Variants in SDK1 observed in about 807,000 individuals in gnomAD.
SDK1 encodes sidekick cell adhesion molecule 1.
In SDK1, 157 loss-of-function variants were observed where a neutral mutation model predicts 245.5. The ratio of observed to expected loss-of-function variants is 0.64; its 90% CI spans 0.56 to 0.73. SDK1 has a LOEUF of 0.73. Among genes scored for constraint, SDK1 ranks in the 30% least tolerant of loss-of-function variants. The pLI is 0.00. For synonymous variants in SDK1, 1,647 were observed against 1,278.5 expected (o/e 1.29, Z -6.15); for missense variants, 3,583 against 3,002.3 (o/e 1.19, Z -4.52).
At chr7:3,478,217 G>C (rs1209523529) in intron 1 of SDK1, among the ~76,000 whole-genome samples, 4 of 151,910 alleles carry the variant, frequency 2.6e-5, no homozygotes, top group Non-Finnish European at 4.4e-5. Flanking sequence ...TATTCTTTGG[G>C]ATTAATTTGG....
At chr7:3,532,036 G>A (rs1783364114) in intron 1 of SDK1, among the ~76,000 whole-genome samples, 2 of 152,132 alleles carry the variant, frequency 1.3e-5, no homozygotes, top group South Asian at 4.1e-4. Context: ...AAACTTCAAG[G>A]ACTGAAATCC....
At chr7:3,511,218 C>T (rs756914502) in intron 1 of SDK1, among the ~76,000 whole-genome samples, 1 of 152,176 alleles carries the variant, frequency 6.6e-6, no homozygotes, top group Admixed American at 6.5e-5. Context: ...TCATATTTTC[C>T]TTCTTGGGTA....
chr7:3,580,996 C>CAAAAAAAAA lies in SDK1; in HGVS notation c.299-38080_299-38079insAAAAAAAAA, dbSNP rs1418335916. 3.6e-3 allele frequency among the ~76,000 whole-genome samples: 339 copies of CAAAAAAAAA among 92,904 alleles called. 59 individuals carry two copies. The highest frequency in any genetic ancestry group is 7.0e-3 in the South Asian group (16 of 2,274). The allele number at this position is 92,904 out of a possible 152,430, so 60.9% of individuals were successfully genotyped here. ...AAAAAAAAAAAAAAAAAAAAAAAAC[C>CAAAAAAAAA]AAAACAAAACCCTGGAAGACAATCT... is the stretch of plus-strand genomic sequence containing the variant. On this transcript the variant is annotated intron_variant, in intron 1 of 44. Coordinates refer to ENST00000404826, the MANE Select transcript of SDK1 (RefSeq NM_152744.4).
Position 4,029,358 on chromosome 7 carries a change from G to A in SDK1, c.2602+12006G>A, listed in dbSNP as rs181256107. ...CCTGAGTAGCTGGGATTATGGGCAC[G>A]TGCCACCACACCTGGCTAATTTTTG... is the stretch of plus-strand genomic sequence containing the variant. On this transcript the variant is annotated intron_variant, in intron 17 of 44. Transcript: ENST00000404826. Among the ~76,000 whole-genome samples, 492 of 151,868 alleles carry A rather than the reference G, an allele frequency of 3.2e-3. 3 individuals carry two copies. The highest frequency in any genetic ancestry group is 0.011 in the African/African-American group (469 of 41,372).
At chr7:3,500,336 G>A (rs115516054) in intron 1 of SDK1, among the ~76,000 whole-genome samples, 26 of 152,116 alleles carry the variant, frequency 1.7e-4, no homozygotes, top group African/African-American at 5.1e-4. Context: ...ATCTTAAAAC[G>A]TCATGAGAAA....
At chr7:4,081,748 A>C (rs893314007) in intron 22 of SDK1, among the ~76,000 whole-genome samples, 5 of 152,154 alleles carry the variant, frequency 3.3e-5, no homozygotes, top group African/African-American at 4.8e-5. Flanking sequence ...TTAATGTAAA[A>C]CATCTTAAAT....
At chr7:3,882,910 T>C (rs1031761546) in intron 5 of SDK1, among the ~76,000 whole-genome samples, 26 of 152,230 alleles carry the variant, frequency 1.7e-4, no homozygotes, top group Admixed American at 7.9e-4. Flanking sequence ...TAAGAGATTG[T>C]TCTGGCTTTT....
At chr7:4,245,841 C>T (rs771226684) in intron 44 of SDK1, 36 bp downstream of exon 44, 4 of 1,611,960 alleles carry the variant, frequency 2.5e-6, no homozygotes, top group Non-Finnish European at 3.4e-6. Context: ...CAGTGACCAT[C>T]AGCCCCTACT....
intron 1 of SDK1, among the ~76,000 whole-genome samples, chr7:3,470,486 C>A (rs1368761980): frequency 1.3e-5 from 2 of 152,154 alleles, no homozygotes. Flanking sequence ...CAGCTAAGAA[C>A]AGCTAATGAG....
chr7:4,051,131 TATATAATATATGTATAATATATAC>T (rs947556737), intron 18 of SDK1, among the ~76,000 whole-genome samples: 3 of 139,596 alleles, frequency 2.1e-5, no homozygotes, highest in Admixed American at 7.5e-5. Flanking sequence ...ATACATATTA[TATATAATATATGTATAATATATAC>T]ATATAGTATA....
intron 16 of SDK1, among the ~76,000 whole-genome samples, chr7:4,015,066 A>C (rs964861868): frequency 6.6e-6 from 1 of 152,152 alleles, no homozygotes; most frequent in Non-Finnish European, 1.5e-5. Flanking sequence ...GCAGTGTTTA[A>C]AAATGTATAT....
At chr7:4,163,251 A>C (rs1781279995) in intron 32 of SDK1, among the ~76,000 whole-genome samples, 1 of 152,038 alleles carries the variant, frequency 6.6e-6, no homozygotes, top group Admixed American at 6.5e-5. Flanking sequence ...TGGGGTCAGG[A>C]GGGCAGTCTG....
rs781369462 is a variant in SDK1 at position 3,971,566 on chromosome 7, C to T, written c.1815C>T (p.Leu605=). ...CCACACATGACCCCCGGGTTTCACT[C>T]CGGTCAGCACAATCAGTTACAATGC... ...CGATHDPRVS[L]RYVWKKDNVA... Residue 605 remains leucine, a splice_region_variant and synonymous_variant, in exon 12 of 45, where the codon CTC becomes CTT. Coordinates refer to ENST00000404826, the MANE Select transcript of SDK1 (RefSeq NM_152744.4). 3 of 1,606,196 alleles carry T rather than the reference C, an allele frequency of 1.9e-6. No individual in the cohort carries two copies. The highest frequency in any genetic ancestry group is 1.7e-6 in the Non-Finnish European group (2 of 1,174,376).
At chr7:4,169,578 C>T (rs1274366733) in intron 32 of SDK1, among the ~76,000 whole-genome samples, 1 of 152,230 alleles carries the variant, frequency 6.6e-6, no homozygotes, top group Non-Finnish European at 1.5e-5. Flanking sequence ...GAGCCGCCTT[C>T]CTCACTCAGT....
At chr7:4,252,490 C>T (rs1787369835) in intron 44 of SDK1, among the ~76,000 whole-genome samples, 1 of 152,086 alleles carries the variant, frequency 6.6e-6, no homozygotes, top group Non-Finnish European at 1.5e-5. Context: ...CAAGTCTTTG[C>T]TATTGTAAAT....
At chr7:4,063,924 TAACTC>T (rs1046009295) in intron 19 of SDK1, among the ~76,000 whole-genome samples, 4 of 152,038 alleles carry the variant, frequency 2.6e-5, no homozygotes, top group African/African-American at 9.7e-5. Context: ...AATTAAAAAA[TAACTC>T]AAGATGGATT....
chr7:3,599,249 G>T (rs928173182), intron 1 of SDK1, among the ~76,000 whole-genome samples: 2 of 152,038 alleles, frequency 1.3e-5, no homozygotes, highest in Non-Finnish European at 2.9e-5. Context: ...TTCATGTGCT[G>T]ATTTGCCATC....
At chr7:3,511,569 G>T (rs1232189597) in intron 1 of SDK1, among the ~76,000 whole-genome samples, 1 of 152,082 alleles carries the variant, frequency 6.6e-6, no homozygotes, top group Non-Finnish European at 1.5e-5. Flanking sequence ...TTGTTTAGCA[G>T]TTATTCCTGT....
At chr7:3,603,544 CTT>C in intron 1 of SDK1, among the ~76,000 whole-genome samples, 1 of 151,964 alleles carries the variant, frequency 6.6e-6, no homozygotes, top group East Asian at 1.9e-4. Flanking sequence ...TATCCTGAGA[CTT>C]TGCTGAAGTT....
Sources: allele counts gnomAD v4.1 joint callset (sites outside exome capture counted in the v4.1 genomes callset), GRCh38; gene constraint gnomAD v4.1.1; transcripts MANE v1.5; gene names NCBI Gene and HGNC (gene_info 2026-07-23, HGNC 2026-07-21).